WDR7: variants seen among roughly 807,000 people sequenced by gnomAD.
The protein encoded by WDR7 is WD repeat-containing protein 7.
WDR7 carries 46 observed loss-of-function variants against 169.4 expected under a neutral mutation model. That is an observed-to-expected ratio of 0.27 (90% CI 0.21 to 0.35). The LOEUF is 0.35. Ranked by LOEUF, WDR7 falls within the 10% of genes least tolerant of loss-of-function variation. The pLI is 1.00. For synonymous variants in WDR7, 612 were observed against 666.8 expected (o/e 0.92, Z 1.27); for missense variants, 1,534 against 1,859.3 (o/e 0.83, Z 3.22).
At chr18:56,651,868 A>T (rs477415) in intron 1 of WDR7, 15,595 of 152,428 alleles carry the variant, frequency 0.1, 929 homozygotes, top group Non-Finnish European at 0.14. Context: ...CCCAGGTGCA[A>T]TCTAAACGGG....
intron 1 of WDR7, among the ~76,000 whole-genome samples, chr18:56,657,522 A>G (rs1219831411): frequency 2.0e-5 from 3 of 152,180 alleles, no homozygotes; most frequent in Admixed American, 2.0e-4. Context: ...CACTTTTTGA[A>G]GAATTAATAG....
chr18:56,886,734 C>G (rs1167363566), intron 21 of WDR7, among the ~76,000 whole-genome samples: 1 of 152,150 alleles, frequency 6.6e-6, no homozygotes, highest in Non-Finnish European at 1.5e-5. Context: ...AGACACTCAC[C>G]TAACACATAA....
At position 56,961,699 on chromosome 18, in the gene WDR7, A is replaced by G. The variant is rs1378009085; in HGVS notation, c.4065-731A>G. 4.6e-5 allele frequency among the ~76,000 whole-genome samples: 7 copies of G among 152,308 alleles called. No homozygotes were observed. The East Asian group carries it at 1.3e-3, about 29-fold the overall frequency. ...TTAATCTGGAAAAATAAAAATAAAT[A>G]ATAAATCAATCTCTTACAATCTTCA... On this transcript the variant is annotated intron_variant, in intron 25 of 27. Transcript: ENST00000254442.
chr18:57,000,335 A>G (rs1212267100), intron 26 of WDR7, among the ~76,000 whole-genome samples: 1 of 152,148 alleles, frequency 6.6e-6, no homozygotes, highest in Non-Finnish European at 1.5e-5. Flanking sequence ...CTGATCCTGT[A>G]TTATTTAATT....
intron 26 of WDR7, among the ~76,000 whole-genome samples, chr18:56,982,209 T>C (rs1320548928): frequency 6.6e-6 from 1 of 152,178 alleles, no homozygotes; most frequent in Non-Finnish European, 1.5e-5. Flanking sequence ...GGGCCACTTG[T>C]CCAGGGGTTT....
At chr18:56,850,614 A>G (rs1246604219) in intron 20 of WDR7, among the ~76,000 whole-genome samples, 2 of 152,090 alleles carry the variant, frequency 1.3e-5, no homozygotes. Context: ...TGTTCAAGCA[A>G]TCCTCTTGCC....
intron 21 of WDR7, among the ~76,000 whole-genome samples, chr18:56,919,633 T>G (rs935336147): frequency 2.0e-5 from 3 of 152,174 alleles, no homozygotes; most frequent in African/African-American, 7.2e-5. Flanking sequence ...GGATATAAAT[T>G]GTGTACTAGT....
intron 25 of WDR7, among the ~76,000 whole-genome samples, chr18:56,953,133 G>T (rs1012178345): frequency 6.6e-6 from 1 of 152,158 alleles, no homozygotes; most frequent in East Asian, 1.9e-4. Context: ...GGGAGGCTGT[G>T]TGTATGCAGA....
At chr18:56,969,994 C>T (rs1437211684) in intron 26 of WDR7, among the ~76,000 whole-genome samples, 1 of 152,120 alleles carries the variant, frequency 6.6e-6, no homozygotes, top group African/African-American at 2.4e-5. Context: ...TTGAGCAAGG[C>T]ACTTAAACTC....
intron 25 of WDR7, among the ~76,000 whole-genome samples, chr18:56,950,727 T>C (rs77282795): frequency 1.3e-5 from 2 of 152,148 alleles, no homozygotes; most frequent in Non-Finnish European, 2.9e-5. Flanking sequence ...TCCTGAAACT[T>C]CTACTTATTT....
At chr18:56,862,243 GATTTA>G (rs1296414959) in intron 20 of WDR7, among the ~76,000 whole-genome samples, 1 of 151,720 alleles carries the variant, frequency 6.6e-6, no homozygotes, top group Admixed American at 6.6e-5. Flanking sequence ...ATCTGATATT[GATTTA>G]ATAACTTACA....
chr18:56,724,552 C>T (rs2026399428), intron 13 of WDR7, among the ~76,000 whole-genome samples: 3 of 151,620 alleles, frequency 2.0e-5, no homozygotes, highest in Admixed American at 1.3e-4. Flanking sequence ...ATATCGTGAA[C>T]TTTATTTTGT....
Position 56,979,850 on chromosome 18 carries a change from G to T in WDR7, c.4164+17321G>T, listed in dbSNP as rs114403236. On this transcript the variant is annotated intron_variant, in intron 26 of 27. Transcript: ENST00000254442. ...CTTACTTTTCCAAGTGGTAAATCCA[G>T]TGAAATTACCAAGATATTAGCCATT... 4.1e-3 allele frequency among the ~76,000 whole-genome samples: 623 copies of T among 152,296 alleles called. 12 individuals are homozygous for T. The highest frequency in any genetic ancestry group is 0.014 in the African/African-American group (592 of 41,566).
chr18:56,745,807 A>G (rs1020377398), intron 14 of WDR7, among the ~76,000 whole-genome samples: 3 of 152,196 alleles, frequency 2.0e-5, no homozygotes, highest in Non-Finnish European at 4.4e-5. Context: ...TTAGTAACTC[A>G]CTTTACTAAA....
At chr18:56,885,550 C>T (rs1007278613) in intron 21 of WDR7, among the ~76,000 whole-genome samples, 5 of 151,738 alleles carry the variant, frequency 3.3e-5, no homozygotes, top group African/African-American at 1.2e-4. Flanking sequence ...CTCAGCTGGG[C>T]GCGGTGGCTC....
chr18:56,679,204 C>G, intron 2 of WDR7, 128 bp from the exon 3 acceptor site: 1 of 677,656 alleles, frequency 1.5e-6, no homozygotes, highest in Non-Finnish European at 2.3e-6. Flanking sequence ...TTTGCAAGAG[C>G]CAGGGGCTAG....
At chr18:56,775,003 T>G (rs1393697949) in intron 16 of WDR7, among the ~76,000 whole-genome samples, 1 of 152,124 alleles carries the variant, frequency 6.6e-6, no homozygotes, top group Non-Finnish European at 1.5e-5. Context: ...AATATTCTAT[T>G]AAGACATACG....
At chr18:56,838,159 C>G (rs1349847138) in intron 20 of WDR7, among the ~76,000 whole-genome samples, 1 of 152,100 alleles carries the variant, frequency 6.6e-6, no homozygotes, top group African/African-American at 2.4e-5. Context: ...TTATTTAAGT[C>G]TAAGCACTCA....
chr18:56,691,427 C>G (rs1482838785), intron 8 of WDR7, 66 bp downstream of exon 8: 10 of 1,472,744 alleles, frequency 6.8e-6, no homozygotes, highest in Middle Eastern at 2.2e-4. Flanking sequence ...AGGGTACAAC[C>G]TGACTTTAAG....
Sources: gnomAD v4.1 joint callset for allele counts (sites outside exome capture counted in the v4.1 genomes callset) on GRCh38, gnomAD v4.1.1 for gene constraint, MANE v1.5 for transcripts, NCBI Gene and HGNC (gene_info 2026-07-23, HGNC 2026-07-21) for gene names.